ZDHHC11B: variants seen among roughly 807,000 people sequenced by gnomAD.
ZDHHC11B encodes zDHHC palmitoyltransferase 11B (putative), also known as probable palmitoyltransferase ZDHHC11B.
ZDHHC11B carries 17 observed loss-of-function variants against 42.3 expected under a neutral mutation model. That is an observed-to-expected ratio of 0.40 (90% confidence interval 0.27 to 0.60). ZDHHC11B has a LOEUF of 0.60. ZDHHC11B is among the 20% of genes least tolerant of loss of function. ZDHHC11B has a pLI of 0.41. For missense variants in ZDHHC11B, 262 were observed against 463.2 expected, an observed-to-expected ratio of 0.57 and a Z score of 3.99; for synonymous variants, 123 against 193.5, an observed-to-expected ratio of 0.64 and a Z score of 3.02.
intron 13 of ZDHHC11B, among the ~76,000 whole-genome samples, chr5:715,095 A>C (rs1741651046): frequency 6.7e-6 from 1 of 150,150 alleles, no homozygotes; most frequent in South Asian, 2.1e-4. Flanking sequence ...CATCAGAATC[A>C]TAAGCCAAAT....
At position 715,724 on chromosome 5, in the gene ZDHHC11B, AG is replaced by A. The variant is rs1237219842; in HGVS notation, c.*7+1076del. ...GGTTTGCTGTCTCTCTGGGCTTTCA[AG>A]GTGATGTCTATTCCCAGTTCTGCAA... is the stretch of plus-strand genomic sequence containing the variant. On this transcript the variant is annotated intron_variant, in intron 13 of 13. Transcript: ENST00000508859. Among the ~76,000 whole-genome samples the A allele has an allele frequency of 5.9e-5, 9 of 151,534 alleles. No homozygotes were observed. The East Asian group carries it at 1.5e-3, about 26-fold the overall frequency.
At chr5:763,373 G>GGAAAAAAAAA (rs1554040852) in intron 4 of ZDHHC11B, among the ~76,000 whole-genome samples, 1 of 128,544 alleles carries the variant, frequency 7.8e-6, no homozygotes, top group Non-Finnish European at 1.7e-5. Context: ...CCCATCTCGG[G>GGAAAAAAAAA]AAAAAAAAAA....
chr5:739,750 G>A (rs1466922262), intron 10 of ZDHHC11B, among the ~76,000 whole-genome samples: 1 of 144,954 alleles, frequency 6.9e-6, no homozygotes, highest in East Asian at 2.0e-4. Context: ...ATCTGATCTA[G>A]CAATCCCACT....
intron 1 of ZDHHC11B, among the ~76,000 whole-genome samples, chr5:774,247 A>T (rs1439851455): frequency 6.6e-6 from 1 of 152,118 alleles, no homozygotes; most frequent in Non-Finnish European, 1.5e-5. Context: ...GCCCAAAGCC[A>T]AACTTACAGA....
At chr5:767,087 T>C (rs11134235) in intron 3 of ZDHHC11B, 168 bp from the exon 4 acceptor site, 65,472 of 912,070 alleles carry the variant, frequency 0.072, 146 homozygotes, top group East Asian at 0.15. Context: ...GGAGCAGGGG[T>C]TGGGCTGGAG....
intron 1 of ZDHHC11B, among the ~76,000 whole-genome samples, chr5:776,373 T>C (rs1736483651): frequency 6.6e-6 from 1 of 151,792 alleles, no homozygotes; most frequent in Admixed American, 6.6e-5. Flanking sequence ...GGTCGCTGAC[T>C]GAGGGAGTGG....
At chr5:721,764 T>C (rs897230473) in intron 12 of ZDHHC11B, among the ~76,000 whole-genome samples, 4 of 151,678 alleles carry the variant, frequency 2.6e-5, no homozygotes, top group Non-Finnish European at 5.9e-5. Context: ...CTAGTGACCA[T>C]AATACTGAAT....
At chr5:751,726 T>C (rs1745791755) in intron 6 of ZDHHC11B, among the ~76,000 whole-genome samples, 1 of 127,820 alleles carries the variant, frequency 7.8e-6, no homozygotes, top group Non-Finnish European at 1.7e-5. Flanking sequence ...CAGGCTCCTG[T>C]CTCTGTGCCA....
rs374050510 is a variant in ZDHHC11B, at chr5:766,967, G to A, written c.1-48C>T. 66 of 1,590,118 alleles carry A rather than the reference G, an allele frequency of 4.2e-5. 2 individuals are homozygous for A. The East Asian group carries it at 8.3e-4, about 20-fold the overall frequency. The stretch of plus-strand genomic sequence containing the variant: ...ACCTGCGCCATCAGCTCCGGGGAGG[G>A]CCGGCCCCACCCACTGTCAGGGAGA... On this transcript the variant is annotated intron_variant, in intron 3 of 13. Transcript: ENST00000508859.
chr5:725,054 C>T (rs1407609133), intron 12 of ZDHHC11B, among the ~76,000 whole-genome samples: 3 of 150,870 alleles, frequency 2.0e-5, no homozygotes, highest in African/African-American at 7.4e-5. Context: ...AAGTCCTAAC[C>T]CCAGCGTTGT....
intron 12 of ZDHHC11B, among the ~76,000 whole-genome samples, chr5:718,459 G>A (rs1300618367): frequency 6.6e-6 from 1 of 151,694 alleles, no homozygotes; most frequent in Non-Finnish European, 1.5e-5. Context: ...GGATCACGAG[G>A]TCAGGAGATC....
intron 1 of ZDHHC11B, among the ~76,000 whole-genome samples, chr5:774,294 C>T (rs1425084717): frequency 1.3e-5 from 2 of 152,148 alleles, no homozygotes; most frequent in Non-Finnish European, 1.5e-5. Flanking sequence ...GCTGGGGAAA[C>T]AGCAGCCCCA....
intron 1 of ZDHHC11B, among the ~76,000 whole-genome samples, chr5:769,921 C>T (rs1375968937): frequency 1.3e-5 from 2 of 151,910 alleles, no homozygotes; most frequent in Non-Finnish European, 2.9e-5. Flanking sequence ...GCTCGAGTCC[C>T]GCTGCTCCCA....
At chr5:726,378 T>C (rs1742610274) in intron 12 of ZDHHC11B, among the ~76,000 whole-genome samples, 1 of 149,560 alleles carries the variant, frequency 6.7e-6, no homozygotes, top group African/African-American at 2.5e-5. Context: ...CCTGGAAGCA[T>C]ATTCTGTGAC....
intron 12 of ZDHHC11B, among the ~76,000 whole-genome samples, chr5:724,622 T>G (rs58625938): frequency 0.46 from 56,479 of 121,610 alleles, 10,751 homozygotes; most frequent in African/African-American, 0.51. Context: ...TTGATCTGCT[T>G]TCTCGGCCTC....
chr5:757,321 A>T (rs1308923891), intron 4 of ZDHHC11B, among the ~76,000 whole-genome samples: 1 of 151,918 alleles, frequency 6.6e-6, no homozygotes, highest in African/African-American at 2.4e-5. Context: ...GGGGTGAGGA[A>T]GAAGGTGCTG....
At chr5:743,719 G>A (rs1284417325) in intron 9 of ZDHHC11B, among the ~76,000 whole-genome samples, 2 of 149,870 alleles carry the variant, frequency 1.3e-5, no homozygotes, top group East Asian at 2.0e-4. Flanking sequence ...CGAGATGTGC[G>A]AGTGTGTATT....
In ZDHHC11B at chr5:770,050, G is replaced by A. The variant is rs773889709; in HGVS notation, c.-229-1120C>T. Among the ~76,000 whole-genome samples, 112 of 151,876 alleles carry A rather than the reference G, an allele frequency of 7.4e-4. 1 individual carries two copies. In the Middle Eastern group the frequency reaches 0.014, roughly 18 times the overall value. On this transcript the variant is annotated intron_variant, in intron 1 of 13. Transcript: ENST00000508859. ...TTCTTGGCTGCCCAGTCCTTCGAGG[G>A]GTCCCCCGGGGACTTGGGGGGCGTC...
intron 6 of ZDHHC11B, among the ~76,000 whole-genome samples, chr5:752,838 G>T (rs1262693191): frequency 8.7e-6 from 1 of 114,750 alleles, no homozygotes; most frequent in African/African-American, 2.7e-5. Context: ...GAGCCCACTT[G>T]TGGGGAGTAA....
Sources: gnomAD v4.1 joint callset for allele counts (sites outside exome capture counted in the v4.1 genomes callset) on GRCh38, gnomAD v4.1.1 for gene constraint, MANE v1.5 for transcripts, NCBI Gene and HGNC (gene_info 2026-07-23, HGNC 2026-07-21) for gene names.